PCDHGB5: variants seen among roughly 807,000 people sequenced by gnomAD.
PCDHGB5 encodes protocadherin gamma-B5.
Under a neutral mutation model 62.9 loss-of-function variants are expected in PCDHGB5, and 48 were observed. The ratio of observed to expected loss-of-function variants is 0.76; its 90% CI spans 0.61 to 0.97. The LOEUF (loss-of-function observed/expected upper bound fraction) is 0.97, where lower values mean the gene tolerates loss of function less well. PCDHGB5 is among the 50% of genes least tolerant of loss of function. The probability of loss-of-function intolerance (pLI) is 0.00; values close to 1 mark genes in which losing one functional copy is unlikely to be tolerated. For missense variants in PCDHGB5, 1,118 were observed against 1,198.6 expected (o/e 0.93, Z 0.99); for synonymous variants, 474 against 511.2 (o/e 0.93, Z 0.98).
At chr5:141,492,755 C>T (rs938918009) in intron 1 of PCDHGB5, among the ~76,000 whole-genome samples, 3 of 152,262 alleles carry the variant, frequency 2.0e-5, no homozygotes, top group African/African-American at 7.2e-5. Flanking sequence ...CGCGGCAGGG[C>T]TCCGCGTTGG....
chr5:141,449,688 T>G (rs951233495), intron 1 of PCDHGB5, among the ~76,000 whole-genome samples: 2 of 151,772 alleles, frequency 1.3e-5, no homozygotes, highest in African/African-American at 4.8e-5. Context: ...TATGTTTGTG[T>G]GTATGTACAC....
intron 1 of PCDHGB5, among the ~76,000 whole-genome samples, chr5:141,472,718 G>A (rs980710833): frequency 1.3e-5 from 2 of 152,002 alleles, no homozygotes; most frequent in Non-Finnish European, 2.9e-5. Context: ...AGGCGCTGTG[G>A]CTCACACCTG....
Position 141,415,580 on chromosome 5 carries a change from A to C in PCDHGB5, c.2397+15056A>C, listed in dbSNP as rs773634634. The C allele has an allele frequency of 4.3e-6, 7 of 1,613,976 alleles. No individual in the cohort carries two copies. The Admixed American group carries it at 1.2e-4, about 27-fold the overall frequency. Reference sequence around the variant, plus strand: ...CCTTTGTCTTTGTTAGATGATTCGAAGTTTCCTATAGAGGATACCCCATTG... The same window carrying C: ...CCTTTGTCTTTGTTAGATGATTCGACGTTTCCTATAGAGGATACCCCATTG... On this transcript the variant is annotated intron_variant, in intron 1 of 3. Transcript: ENST00000617380.
chr5:141,511,823 G>A lies in PCDHGB5; in HGVS notation c.*650G>A, dbSNP rs1490513046. On this transcript the variant is annotated 3_prime_UTR_variant, in exon 4 of 4. Transcript: ENST00000617380. ...TTTTGCTACCAAGCCTCTTCCCAACGCCCTGGGGACCAGTCTTCTGTTTTG... is the reference window on the plus strand; with the variant it reads ...TTTTGCTACCAAGCCTCTTCCCAACACCCTGGGGACCAGTCTTCTGTTTTG... 4 of 156,728 alleles carry A rather than the reference G, an allele frequency of 2.6e-5. No homozygotes were observed. The highest frequency in any genetic ancestry group is 3.2e-3 in the Middle Eastern group (1 of 316). 9.7% of individuals were successfully genotyped at this position (156,728 alleles called of 1,614,324 possible). A position where few individuals can be genotyped will look rare whatever the true frequency, so the allele number is the denominator to read the frequency against.
Position 141,486,484 on chromosome 5 carries a change from C to A in PCDHGB5, c.2398-8323C>A. On this transcript the variant is annotated intron_variant, in intron 1 of 3. Transcript: ENST00000617380. This position sits in a 1 kb window ranked among gnomAD's most constrained non-coding sequence, Gnocchi z 5.0. ...ATGCTGGGAACCCTCCTCTCAGTAC[C>A]CACAGAACTATTTTCCTCAATATTT... is the stretch of plus-strand genomic sequence containing the variant. 5 of 1,614,102 alleles carry A rather than the reference C, an allele frequency of 3.1e-6. No homozygotes were observed. Among genetic ancestry groups the A allele is most frequent in the Non-Finnish European group, 4.2e-6 (5 of 1,179,930 alleles).
intron 1 of PCDHGB5, chr5:141,419,601 C>A (rs753678898): frequency 6.2e-7 from 1 of 1,611,818 alleles, no homozygotes; most frequent in Admixed American, 1.7e-5. Flanking sequence ...GTGCCGCGGG[C>A]CGCGCAGCCA....
intron 2 of PCDHGB5, among the ~76,000 whole-genome samples, chr5:141,497,552 T>C (rs2099777669): frequency 6.6e-6 from 1 of 151,386 alleles, no homozygotes; most frequent in Non-Finnish European, 1.5e-5. Context: ...TTTTTTTTTT[T>C]TTTTTTAGAC....
intron 1 of PCDHGB5, among the ~76,000 whole-genome samples, chr5:141,468,738 T>C (rs965510711): frequency 3.0e-4 from 46 of 151,958 alleles, no homozygotes; most frequent in South Asian, 2.1e-3. Flanking sequence ...TGGTGGCGGG[T>C]GCCTGTAGTC....
chr5:141,466,016 G>A (rs1592991828), intron 1 of PCDHGB5, among the ~76,000 whole-genome samples: 2 of 152,032 alleles, frequency 1.3e-5, no homozygotes, highest in East Asian at 3.9e-4. Flanking sequence ...CAGCTACTCG[G>A]GAGGGTGAGG....
chr5:141,487,351 T>A lies in PCDHGB5; in HGVS notation c.2398-7456T>A. 6.2e-7 allele frequency: 1 copy of A among 1,614,210 alleles called. No individual in the cohort carries two copies. The highest frequency in any genetic ancestry group is 8.5e-7 in the Non-Finnish European group (1 of 1,180,038). On this transcript the variant is annotated intron_variant, in intron 1 of 3. Transcript: ENST00000617380. The surrounding 1 kb of genome is among the most constrained non-coding windows in gnomAD (Gnocchi z 5.0). ...GGGCAGCCTGTGGAGTCACATGCTT[T>A]CCTGCTGGCACCTGTGCCTGTCTCA...
In PCDHGB5 at chr5:141,414,114, T is replaced by C. The variant is rs145910780; in HGVS notation, c.2397+13590T>C. The C allele has an allele frequency of 2.0e-5, 32 of 1,592,348 alleles. 2 individuals carry two copies. In the East Asian group the frequency reaches 6.3e-4, roughly 32 times the overall value. ...TAAAAATATCAGAAAATCTAGATTA[T>C]GAAGAAACCGGTTTCTATGAAATAG... On this transcript the variant is annotated intron_variant, in intron 1 of 3. Coordinates refer to ENST00000617380, the MANE Select transcript of PCDHGB5 (RefSeq NM_018925.3).
rs1254986724 is a variant in PCDHGB5, at chr5:141,490,928, C to G, written c.2398-3879C>G. ...CTAGACGAGAATGATAATGCCCCAGCTGTGCTGCACCCACGGCCAGACTGG... is the reference window on the plus strand; with the variant it reads ...CTAGACGAGAATGATAATGCCCCAGGTGTGCTGCACCCACGGCCAGACTGG... On this transcript the variant is annotated intron_variant, in intron 1 of 3. Transcript: ENST00000617380. The surrounding 1 kb of genome is among the most constrained non-coding windows in gnomAD (Gnocchi z 5.4). 2 of 1,613,466 alleles carry G rather than the reference C, an allele frequency of 1.2e-6. No homozygotes were observed. Among genetic ancestry groups the G allele is most frequent in the Non-Finnish European group, 1.7e-6 (2 of 1,179,624 alleles).
chr5:141,430,790 A>G, intron 1 of PCDHGB5: 1 of 1,516,892 alleles, frequency 6.6e-7, no homozygotes, highest in South Asian at 1.3e-5. Context: ...CCGGGACTAC[A>G]AAGGGCTTGT....
At chr5:141,456,306 G>C (rs937409031) in intron 1 of PCDHGB5, among the ~76,000 whole-genome samples, 1 of 152,158 alleles carries the variant, frequency 6.6e-6, no homozygotes, top group Non-Finnish European at 1.5e-5. Context: ...GAGAACAGCA[G>C]CTAGGGCTCC....
chr5:141,501,544 G>T (rs1297191346), intron 2 of PCDHGB5, among the ~76,000 whole-genome samples: 3 of 151,962 alleles, frequency 2.0e-5, no homozygotes, highest in African/African-American at 7.3e-5. Flanking sequence ...TTGTGCATAA[G>T]ATCATAGGCC....
intron 2 of PCDHGB5, among the ~76,000 whole-genome samples, chr5:141,499,983 C>T (rs765029745): frequency 5.3e-5 from 8 of 151,352 alleles, no homozygotes; most frequent in African/African-American, 9.7e-5. Context: ...CCACCTTGCC[C>T]GGCCAGATGA....
rs562192762 is a variant in PCDHGB5, at chr5:141,485,718, T to C, written c.2398-9089T>C. 1 of 1,614,058 alleles carries C rather than the reference T, an allele frequency of 6.2e-7. No homozygotes were observed. The highest frequency in any genetic ancestry group is 2.2e-5 in the East Asian group (1 of 44,866). On this transcript the variant is annotated intron_variant, in intron 1 of 3. Coordinates refer to ENST00000617380, the MANE Select transcript of PCDHGB5 (RefSeq NM_018925.3). This position sits in a 1 kb window ranked among gnomAD's most constrained non-coding sequence, Gnocchi z 5.7. ...TCCAATGAACACTTTGCACTGGATG[T>C]GAAGAAGCGCAGCGACGGCAGCCTG...
rs999463482 is a variant in PCDHGB5, at chr5:141,506,400, T to C, written c.2545+919T>C. ...GGAGGTGGCTGTGGTGAGCAGAAAATCGCACCACTGCACTCCAGCCTGGGC... is the reference window on the plus strand; with the variant it reads ...GGAGGTGGCTGTGGTGAGCAGAAAACCGCACCACTGCACTCCAGCCTGGGC... On this transcript the variant is annotated intron_variant, in intron 3 of 3. Coordinates refer to ENST00000617380, the MANE Select transcript of PCDHGB5 (RefSeq NM_018925.3). 1.2e-4 allele frequency among the ~76,000 whole-genome samples: 16 copies of C among 135,754 alleles called. No homozygotes were observed. In the Admixed American group the frequency reaches 1.3e-3, roughly 11 times the overall value. The allele number at this position is 135,754 out of a possible 152,430, so 89.1% of individuals were successfully genotyped here.
At position 141,431,368 on chromosome 5, in the gene PCDHGB5, A is replaced by G; in HGVS notation, c.2397+30844A>G. On this transcript the variant is annotated intron_variant, in intron 1 of 3. Coordinates refer to ENST00000617380, the MANE Select transcript of PCDHGB5 (RefSeq NM_018925.3). The surrounding 1 kb of genome is among the most constrained non-coding windows in gnomAD (Gnocchi z 4.8). ...TGCTGAAACGCGCCCTGGACCGCGA[A>G]GAAAAGGCTGCTCACCACCTGGTCC... 1.9e-6 allele frequency: 3 copies of G among 1,614,002 alleles called. No individual in the cohort carries two copies. The highest frequency in any genetic ancestry group is 2.5e-6 in the Non-Finnish European group (3 of 1,180,034).
Sources: gnomAD v4.1 joint callset for allele counts (sites outside exome capture counted in the v4.1 genomes callset) on GRCh38, gnomAD v4.1.1 for gene constraint, Gnocchi (gnomAD v3.1) non-coding constraint, MANE v1.5 for transcripts, NCBI Gene and HGNC (gene_info 2026-07-23, HGNC 2026-07-21) for gene names.